CNEP1R1: variants seen among roughly 807,000 people sequenced by gnomAD.
CNEP1R1 encodes the protein nuclear envelope phosphatase-regulatory subunit 1.
CNEP1R1 carries 10 observed loss-of-function variants against 22.7 expected under a neutral mutation model. That is an observed-to-expected ratio of 0.44 (90% CI 0.27 to 0.75). The LOEUF is 0.75. CNEP1R1 is among the 30% of genes least tolerant of loss of function. CNEP1R1 has a pLI of 0.17. For missense variants in CNEP1R1, 73 were observed against 151.5 expected (o/e 0.48, Z 2.72); for synonymous variants, 53 against 50.1 (o/e 1.06, Z -0.25).
At chr16:50,030,341 G>A (rs778668151) in intron 3 of CNEP1R1, among the ~76,000 whole-genome samples, 3 of 152,122 alleles carry the variant, frequency 2.0e-5, no homozygotes, top group Non-Finnish European at 2.9e-5. Flanking sequence ...GGCTGAGGTG[G>A]GAGGATCACT....
chr16:50,026,797 A>C (rs2036187869), intron 2 of CNEP1R1: 2 of 213,026 alleles, frequency 9.4e-6, no homozygotes, highest in Non-Finnish European at 1.9e-5. Context: ...CAACACGGTG[A>C]AACGCCGTCT....
chr16:50,032,841 C>T (rs1049252598), intron 3 of CNEP1R1, among the ~76,000 whole-genome samples: 1 of 152,012 alleles, frequency 6.6e-6, no homozygotes, highest in Non-Finnish European at 1.5e-5. Flanking sequence ...CCCGTCTCTA[C>T]TAAAAGTACA....
chr16:50,026,217 T>A (rs1190026749), intron 1 of CNEP1R1, 179 bp from the exon 2 acceptor site: 1 of 485,184 alleles, frequency 2.1e-6, no homozygotes, highest in Non-Finnish European at 3.7e-6. Flanking sequence ...TTTTGTCAAG[T>A]GCTTAAAAAG....
At chr16:50,025,772 T>C in intron 1 of CNEP1R1, 1 of 1,330,360 alleles carries the variant, frequency 7.5e-7, no homozygotes, top group Admixed American at 1.7e-5. Context: ...CACCACTCAC[T>C]CGGAGCAGCT....
chr16:50,026,328 T>C, intron 1 of CNEP1R1, 68 bp from the exon 2 acceptor site: 1 of 1,122,416 alleles, frequency 8.9e-7, no homozygotes, highest in Non-Finnish European at 1.3e-6. Context: ...TAATGTTAGG[T>C]AAATACTCTG....
Position 50,025,323 on chromosome 16 carries a change from C to T in CNEP1R1, c.8C>T (p.Ser3Leu). 1 of 1,437,178 alleles carries T rather than the reference C, an allele frequency of 7.0e-7. No homozygotes were observed. Among genetic ancestry groups the T allele is most frequent in the South Asian group, 1.5e-5 (1 of 68,696 alleles). 89.0% of individuals were successfully genotyped at this position (1,437,178 alleles called of 1,614,324 possible). ...CCCGAGCTGCCGCCCGACATGAACT[C>T]GCTGGAGCAGGCGGAAGGTAGGGTG... The part of the protein sequence containing the change: MN[S>L]LEQAEDLKAF... Residue 3 changes from serine to leucine, a missense_variant, in exon 1 of 6, where the codon TCG (serine) becomes TTG (leucine). Ser to Leu is a moderately radical substitution (Grantham distance 145). Transcript: ENST00000427478.
At chr16:50,032,433 G>C (rs980777874) in intron 3 of CNEP1R1, among the ~76,000 whole-genome samples, 5 of 152,094 alleles carry the variant, frequency 3.3e-5, no homozygotes, top group African/African-American at 1.2e-4. Context: ...CTTCGTTCTA[G>C]TTCTTTATGG....
At chr16:50,027,833 G>A (rs1312832506) in intron 2 of CNEP1R1, among the ~76,000 whole-genome samples, 1 of 152,090 alleles carries the variant, frequency 6.6e-6, no homozygotes, top group Admixed American at 6.5e-5. Flanking sequence ...AGTATCATGA[G>A]TGCTACAAAA....
chr16:50,026,522 A>G, intron 2 of CNEP1R1, 55 bp downstream of exon 2: 2 of 1,243,822 alleles, frequency 1.6e-6, no homozygotes, highest in East Asian at 2.4e-5. Flanking sequence ...CTTTTATCCT[A>G]ATATAGGAAT....
chr16:50,025,297 A>G lies in CNEP1R1; in HGVS notation c.-19A>G. 7.0e-7 allele frequency: 1 copy of G among 1,428,514 alleles called. No homozygotes were observed. The allele number at this position is 1,428,514 out of a possible 1,614,324, so 88.5% of individuals were successfully genotyped here. A position where few individuals can be genotyped will look rare whatever the true frequency, so the allele number is the denominator to read the frequency against. The stretch of plus-strand genomic sequence containing the variant: ...CGATGCGGACAGGGCAGCGGCGGTG[A>G]CCCGAGCTGCCGCCCGACATGAACT... On this transcript the variant is annotated 5_prime_UTR_variant, in exon 1 of 6. An upstream open reading frame in the 5' UTR loses its in-frame stop. Transcript: ENST00000427478.
chr16:50,036,572 A>G lies in CNEP1R1; in HGVS notation c.*1114A>G, dbSNP rs1053667481. ...TACGCTGTGGTAGACAGGCTGTGAC[A>G]CTAGTGTTGCACAGGTGTAATTGGT... is the stretch of plus-strand genomic sequence containing the variant. On this transcript the variant is annotated 3_prime_UTR_variant, in exon 6 of 6. Transcript: ENST00000427478. The G allele has an allele frequency of 6.6e-6, 1 of 152,248 alleles. No individual in the cohort carries two copies. Among genetic ancestry groups the G allele is most frequent in the African/African-American group, 2.4e-5 (1 of 41,460 alleles). 9.4% of individuals were successfully genotyped at this position (152,248 alleles called of 1,614,324 possible).
chr16:50,031,258 A>T (rs2036228995), intron 3 of CNEP1R1, among the ~76,000 whole-genome samples: 1 of 152,260 alleles, frequency 6.6e-6, no homozygotes, highest in South Asian at 2.1e-4. Context: ...CAATTCAGAC[A>T]GCCAGAGAAG....
At position 50,034,164 on chromosome 16, in the gene CNEP1R1, T is replaced by A; in HGVS notation, c.336+8T>A. 6.4e-7 allele frequency: 1 copy of A among 1,562,224 alleles called. No individual in the cohort carries two copies. ...AATATGTCTTGTGATGATGTAAGTA[T>A]TTTTTTGGTTAGAAAATTATAGACC... On this transcript the variant is annotated splice_region_variant and intron_variant, in intron 5 of 5. Coordinates refer to ENST00000427478, the MANE Select transcript of CNEP1R1 (RefSeq NM_001281789.2).
At position 50,028,048 on chromosome 16, in the gene CNEP1R1, C is replaced by T. The variant is rs150304658; in HGVS notation, c.97+1581C>T. On this transcript the variant is annotated intron_variant, in intron 2 of 5. Coordinates refer to ENST00000427478, the MANE Select transcript of CNEP1R1 (RefSeq NM_001281789.2). ...TCTTCGCTCACTGCAACCTCTGCCTCCCGGGTTCAAGTGATTCTCCTGCCT... is the reference window on the plus strand; with the variant it reads ...TCTTCGCTCACTGCAACCTCTGCCTTCCGGGTTCAAGTGATTCTCCTGCCT... 8.8e-3 allele frequency among the ~76,000 whole-genome samples: 1,338 copies of T among 152,292 alleles called. 13 individuals are homozygous for T. Among genetic ancestry groups the T allele is most frequent in the African/African-American group, 0.031 (1,278 of 41,554 alleles).
rs1377088150 is a variant in CNEP1R1 at position 50,025,298 on chromosome 16, C to G, written c.-18C>G. 3 of 1,428,134 alleles carry G rather than the reference C, an allele frequency of 2.1e-6. No individual in the cohort carries two copies. Among genetic ancestry groups the G allele is most frequent in the Non-Finnish European group, 2.7e-6 (3 of 1,095,816 alleles). 88.5% of individuals were successfully genotyped at this position (1,428,134 alleles called of 1,614,324 possible). A position where few individuals can be genotyped will look rare whatever the true frequency, so the allele number is the denominator to read the frequency against. On this transcript the variant is annotated 5_prime_UTR_variant, in exon 1 of 6. Coordinates refer to ENST00000427478, the MANE Select transcript of CNEP1R1 (RefSeq NM_001281789.2). Reference sequence around the variant, plus strand: ...GATGCGGACAGGGCAGCGGCGGTGACCCGAGCTGCCGCCCGACATGAACTC... The same window carrying G: ...GATGCGGACAGGGCAGCGGCGGTGAGCCGAGCTGCCGCCCGACATGAACTC...
intron 3 of CNEP1R1, among the ~76,000 whole-genome samples, chr16:50,031,536 T>A (rs144316789): frequency 0.01 from 1,594 of 152,266 alleles, 25 homozygotes; most frequent in Middle Eastern, 0.044. Flanking sequence ...TTGGGAAAAA[T>A]ATAAGCTGAT....
intron 1 of CNEP1R1, 145 bp from the exon 2 acceptor site, chr16:50,026,251 A>C (rs2036182058): frequency 1.8e-6 from 1 of 562,440 alleles, no homozygotes; most frequent in Admixed American, 3.1e-5. Flanking sequence ...TGAAATAAAC[A>C]GTGCAGTGAT....
At chr16:50,031,810 T>C (rs1266086413) in intron 3 of CNEP1R1, among the ~76,000 whole-genome samples, 1 of 152,094 alleles carries the variant, frequency 6.6e-6, no homozygotes, top group East Asian at 1.9e-4. Context: ...AGACAGGAAG[T>C]ACCTGACTGC....
intron 5 of CNEP1R1, among the ~76,000 whole-genome samples, chr16:50,035,202 A>C (rs1451361476): frequency 6.6e-6 from 1 of 152,194 alleles, no homozygotes; most frequent in African/African-American, 2.4e-5. Context: ...AAATGAAAAG[A>C]GGAGAAAAAA....
Sources: allele counts gnomAD v4.1 joint callset (sites outside exome capture counted in the v4.1 genomes callset), GRCh38; gene constraint gnomAD v4.1.1; transcripts MANE v1.5; gene names NCBI Gene and HGNC (gene_info 2026-07-23, HGNC 2026-07-21).